The following AGBL4 variants were observed in gnomAD, a reference collection of about 807,000 sequenced individuals.
AGBL4 encodes AGBL carboxypeptidase 4.
In AGBL4, 58 loss-of-function variants were observed where a neutral mutation model predicts 66.4. That is an observed-to-expected ratio of 0.87 (90% confidence interval 0.71 to 1.09). The LOEUF (loss-of-function observed/expected upper bound fraction) is 1.09, where lower values mean the gene tolerates loss of function less well. AGBL4 is among the 50% of genes least tolerant of loss of function. The probability of loss-of-function intolerance (pLI) is 0.00; values close to 1 mark genes in which losing one functional copy is unlikely to be tolerated. For missense variants in AGBL4, 579 were observed against 631.0 expected (o/e 0.92, Z 0.88); for synonymous variants, 234 against 222.9 (o/e 1.05, Z -0.44).
chr1:49,861,402 T>C (rs1189628801), intron 1 of AGBL4, among the ~76,000 whole-genome samples: 3 of 151,060 alleles, frequency 2.0e-5, no homozygotes. Context: ...AAGAAAAGAG[T>C]AGTGAGGACT....
intron 5 of AGBL4, among the ~76,000 whole-genome samples, chr1:48,959,109 C>T (rs560819860): frequency 5.9e-5 from 9 of 152,244 alleles, no homozygotes; most frequent in East Asian, 3.9e-4. Flanking sequence ...ATCTGGATAG[C>T]GTAGGAAGAG....
At chr1:50,011,374 A>G (rs889982761) in intron 1 of AGBL4, among the ~76,000 whole-genome samples, 1 of 152,220 alleles carries the variant, frequency 6.6e-6, no homozygotes, top group Non-Finnish European at 1.5e-5. Context: ...TGTCAAAGAC[A>G]GGCAATAACA....
intron 4 of AGBL4, among the ~76,000 whole-genome samples, chr1:49,126,316 C>T (rs2148056461): frequency 6.6e-6 from 1 of 152,200 alleles, no homozygotes; most frequent in South Asian, 2.1e-4. Context: ...AGAAAATTGC[C>T]AAGTGCTTCA....
rs78851854 is a variant in AGBL4, at chr1:48,819,525, G to A, written c.634+47666C>T. Among the ~76,000 whole-genome samples, 498 of 152,298 alleles carry A rather than the reference G, an allele frequency of 3.3e-3. 8 individuals carry two copies. The highest frequency in any genetic ancestry group is 0.011 in the African/African-American group (438 of 41,572). Reference sequence around the variant, plus strand: ...AGCATGGACTTGGGAATGGATTTAAGGGGTGGATTTGTGGGGGATACAGAT... The same window carrying A: ...AGCATGGACTTGGGAATGGATTTAAAGGGTGGATTTGTGGGGGATACAGAT... On this transcript the variant is annotated intron_variant, in intron 6 of 13. Coordinates refer to ENST00000371839, the MANE Select transcript of AGBL4 (RefSeq NM_032785.4).
intron 3 of AGBL4, among the ~76,000 whole-genome samples, chr1:49,351,835 T>A (rs1347026213): frequency 6.6e-6 from 1 of 152,212 alleles, no homozygotes; most frequent in East Asian, 1.9e-4. Flanking sequence ...CTCAGTCTTC[T>A]CAACTGTAAA....
intron 3 of AGBL4, among the ~76,000 whole-genome samples, chr1:49,534,814 A>G (rs1358461533): frequency 6.6e-6 from 1 of 152,228 alleles, no homozygotes; most frequent in African/African-American, 2.4e-5. Flanking sequence ...TTTAGAAGCC[A>G]AGACCACCAG....
intron 3 of AGBL4, among the ~76,000 whole-genome samples, chr1:49,636,723 TG>T (rs145335659): frequency 0.03 from 4,520 of 152,304 alleles, 117 homozygotes; most frequent in Non-Finnish European, 0.047. Flanking sequence ...GTTACTGACT[TG>T]AAAGGCTCAC....
At chr1:49,697,538 AC>A in intron 2 of AGBL4, 101 bp from the exon 3 acceptor site, 1 of 970,222 alleles carries the variant, frequency 1.0e-6, no homozygotes, top group Non-Finnish European at 1.5e-6. Context: ...GCATTTGTCA[AC>A]ATTCAGTACT....
At chr1:48,946,059 A>C (rs1219303122) in intron 5 of AGBL4, among the ~76,000 whole-genome samples, 1 of 152,176 alleles carries the variant, frequency 6.6e-6, no homozygotes, top group Non-Finnish European at 1.5e-5. Flanking sequence ...CCCACGAGGA[A>C]CACCATTCTC....
At chr1:49,499,824 T>C (rs1647966940) in intron 3 of AGBL4, among the ~76,000 whole-genome samples, 1 of 151,878 alleles carries the variant, frequency 6.6e-6, no homozygotes, top group Admixed American at 6.6e-5. Context: ...CAATTGAGAA[T>C]TGTGCTGCTG....
intron 3 of AGBL4, among the ~76,000 whole-genome samples, chr1:49,354,401 C>T (rs941901358): frequency 1.3e-5 from 2 of 152,212 alleles, no homozygotes; most frequent in African/African-American, 4.8e-5. Context: ...TTATACTCTC[C>T]AGCTTCCCTC....
intron 5 of AGBL4, among the ~76,000 whole-genome samples, chr1:48,938,409 A>G (rs1463636113): frequency 6.6e-6 from 1 of 152,214 alleles, no homozygotes; most frequent in Non-Finnish European, 1.5e-5. Flanking sequence ...ATACATTGTA[A>G]TAAGTACTAT....
At chr1:48,659,427 CA>C (rs1350844703) in intron 7 of AGBL4, among the ~76,000 whole-genome samples, 1 of 152,170 alleles carries the variant, frequency 6.6e-6, no homozygotes, top group Admixed American at 6.5e-5. Flanking sequence ...CATGGCTCCC[CA>C]CAGTAGCATT....
At chr1:49,105,168 G>A (rs1645270078) in intron 4 of AGBL4, among the ~76,000 whole-genome samples, 1 of 152,188 alleles carries the variant, frequency 6.6e-6, no homozygotes, top group African/African-American at 2.4e-5. Flanking sequence ...ATGTAAGCAA[G>A]TGCTGCCAGG....
chr1:49,636,808 G>A (rs1303535977), intron 3 of AGBL4, among the ~76,000 whole-genome samples: 2 of 152,152 alleles, frequency 1.3e-5, no homozygotes, highest in African/African-American at 4.8e-5. Flanking sequence ...GATCCAATGA[G>A]TAAATCAAAC....
At chr1:49,961,019 T>A (rs1657077657) in intron 1 of AGBL4, among the ~76,000 whole-genome samples, 1 of 152,080 alleles carries the variant, frequency 6.6e-6, no homozygotes, top group Admixed American at 6.6e-5. Context: ...GTACTTGGAA[T>A]AATAAAGTGC....
At chr1:48,919,523 CA>C (rs1653903809) in intron 5 of AGBL4, among the ~76,000 whole-genome samples, 2 of 152,176 alleles carry the variant, frequency 1.3e-5, no homozygotes, top group South Asian at 4.1e-4. Context: ...ACACATCATT[CA>C]AGTCTACAAA....
chr1:49,318,995 G>A (rs1032805886), intron 3 of AGBL4, among the ~76,000 whole-genome samples: 1 of 152,184 alleles, frequency 6.6e-6, no homozygotes, highest in African/African-American at 2.4e-5. Context: ...GGAAGGCTAT[G>A]ACAACACTTC....
At chr1:49,743,057 T>C (rs1413665499) in intron 2 of AGBL4, among the ~76,000 whole-genome samples, 1 of 152,152 alleles carries the variant, frequency 6.6e-6, no homozygotes, top group African/African-American at 2.4e-5. Flanking sequence ...AAATGGGATC[T>C]AATTAAACTA....
Sources: allele counts gnomAD v4.1 joint callset (sites outside exome capture counted in the v4.1 genomes callset), GRCh38; gene constraint gnomAD v4.1.1; transcripts MANE v1.5; gene names NCBI Gene and HGNC (gene_info 2026-07-23, HGNC 2026-07-21).